Variants in MAN2A1 observed in about 807,000 individuals in gnomAD.
The protein encoded by MAN2A1 is alpha-mannosidase 2.
Under a neutral mutation model 142.6 loss-of-function variants are expected in MAN2A1, and 76 were observed. The ratio of observed to expected loss-of-function variants is 0.53; its 90% CI spans 0.44 to 0.65. MAN2A1 has a LOEUF of 0.65. Among genes scored for constraint, MAN2A1 ranks in the 30% least tolerant of loss-of-function variants. The pLI, the probability that MAN2A1 is intolerant of heterozygous loss-of-function variation, is 0.00. For synonymous variants in MAN2A1, 559 were observed against 473.2 expected, an observed-to-expected ratio of 1.18 and a Z score of -2.35; for missense variants, 1,311 against 1,365.1, an observed-to-expected ratio of 0.96 and a Z score of 0.62.
At chr5:109,796,028 G>GTT (rs1356637601) in intron 12 of MAN2A1, among the ~76,000 whole-genome samples, 2 of 152,102 alleles carry the variant, frequency 1.3e-5, no homozygotes, top group Non-Finnish European at 2.9e-5. Context: ...TCCTAAACAA[G>GTT]TTGTTGTTAT....
Position 109,817,383 on chromosome 5 carries a change from T to C in MAN2A1, c.2054T>C (p.Val685Ala), listed in dbSNP as rs45625534. The C allele has an allele frequency of 3.5e-3, 5,691 of 1,614,108 alleles. 185 individuals carry two copies. The East Asian group carries it at 0.082, about 23-fold the overall frequency. Residue 685 changes from valine (V) to alanine (A), a missense_variant, in exon 13 of 22, where the codon GTT becomes GCT. By Grantham distance (64) the Val-to-Ala change is moderately conservative. Transcript: ENST00000261483. ...TCTGCTTCAGGAAAACCTGTGGAAGTTCAAGTCAGCGCAGTTTGGGATACA... is the reference window on the plus strand; with the variant it reads ...TCTGCTTCAGGAAAACCTGTGGAAGCTCAAGTCAGCGCAGTTTGGGATACA... ...VFSASGKPVE[V>A]QVSAVWDTAN... is the part of the protein sequence containing the mutation.
chr5:109,723,325 G>T (rs1293647412), intron 3 of MAN2A1, among the ~76,000 whole-genome samples: 1 of 152,060 alleles, frequency 6.6e-6, no homozygotes, highest in Non-Finnish European at 1.5e-5. Flanking sequence ...AGATTATTTT[G>T]GAAACCTGGG....
chr5:109,823,692 AT>A, intron 15 of MAN2A1, 30 bp from the exon 16 acceptor site: 1 of 1,165,676 alleles, frequency 8.6e-7, no homozygotes, highest in Admixed American at 1.7e-5. Context: ...AAGCCAAAAT[AT>A]TTTTCTTAAA....
chr5:109,783,709 T>C (rs1045253412), intron 9 of MAN2A1, among the ~76,000 whole-genome samples: 4 of 152,264 alleles, frequency 2.6e-5, no homozygotes, highest in East Asian at 1.9e-4. Context: ...AACCTTCTTA[T>C]ACTTTTTACT....
At chr5:109,735,182 C>G (rs1370510822) in intron 4 of MAN2A1, among the ~76,000 whole-genome samples, 6 of 151,982 alleles carry the variant, frequency 3.9e-5, no homozygotes, top group Non-Finnish European at 1.5e-5. Flanking sequence ...TTATCAGAGA[C>G]TAGGATTGCA....
At chr5:109,841,295 C>T (rs1303162266) in intron 16 of MAN2A1, among the ~76,000 whole-genome samples, 2 of 152,134 alleles carry the variant, frequency 1.3e-5, no homozygotes, top group African/African-American at 2.4e-5. Flanking sequence ...CCCTCGCCCC[C>T]CTCCAACCCT....
chr5:109,737,840 G>A lies in MAN2A1; in HGVS notation c.707+8327G>A, dbSNP rs1752149541. Among the ~76,000 whole-genome samples, 3 of 152,290 alleles carry A rather than the reference G, an allele frequency of 2.0e-5. No individual in the cohort carries two copies. The South Asian group carries it at 6.2e-4, about 32-fold the overall frequency. The stretch of plus-strand genomic sequence containing the variant: ...GAAAAAGGCCTAAAGTTTGCTTGTG[G>A]AAGGGTGTATTGGAAGGAGTATAGA... On this transcript the variant is annotated intron_variant, in intron 4 of 21. Transcript: ENST00000261483.
intron 7 of MAN2A1, among the ~76,000 whole-genome samples, chr5:109,772,852 A>G (rs868641760): frequency 5.9e-5 from 9 of 151,870 alleles, no homozygotes; most frequent in Non-Finnish European, 1.3e-4. Flanking sequence ...AAATTTAACC[A>G]TAATGTACAG....
intron 12 of MAN2A1, among the ~76,000 whole-genome samples, chr5:109,812,121 G>A (rs1754336365): frequency 6.6e-6 from 1 of 152,016 alleles, no homozygotes; most frequent in Admixed American, 6.6e-5. Flanking sequence ...TTCTTTTTTT[G>A]TGCTTGGTCT....
At chr5:109,717,913 G>A (rs576750573) in intron 3 of MAN2A1, among the ~76,000 whole-genome samples, 1 of 152,198 alleles carries the variant, frequency 6.6e-6, no homozygotes, top group South Asian at 2.1e-4. Flanking sequence ...TGCATTTAGG[G>A]GATGCATATG....
chr5:109,709,185 T>A (rs1228244759), intron 1 of MAN2A1, among the ~76,000 whole-genome samples: 1 of 152,220 alleles, frequency 6.6e-6, no homozygotes, highest in Admixed American at 6.5e-5. Context: ...AGTTTGACTT[T>A]TTTAGATGTA....
Position 109,690,430 on chromosome 5 carries a change from C to A in MAN2A1, c.13C>A (p.Arg5Ser). Residue 5 changes from arginine (R) to serine (S), a missense_variant, in exon 1 of 22, where the codon CGC becomes AGC. By Grantham distance (110) the Arg-to-Ser change is moderately radical (BLOSUM62 -1). Around this residue, in one of 3 missense-constraint regions of MAN2A1, gnomAD observed 409 missense variants for 412.7 expected, o/e 0.99. Coordinates refer to ENST00000261483, the MANE Select transcript of MAN2A1 (RefSeq NM_002372.4). ...TCTATCGAGGAAAATGAAGTTAAGC[C>A]GCCAGTTCACCGTGTTCGGCAGTGC... The part of the protein sequence containing the change: MKLS[R>S]QFTVFGSAIF... 6.2e-7 allele frequency: 1 copy of A among 1,614,066 alleles called. No individual in the cohort carries two copies. The highest frequency in any genetic ancestry group is 1.1e-5 in the South Asian group (1 of 91,076).
At chr5:109,796,476 A>C (rs986802446) in intron 12 of MAN2A1, among the ~76,000 whole-genome samples, 1 of 152,344 alleles carries the variant, frequency 6.6e-6, no homozygotes, top group East Asian at 1.9e-4. Context: ...CTTTCTGTTA[A>C]TAGATCTATT....
At chr5:109,694,670 T>TTA (rs201272134) in intron 1 of MAN2A1, among the ~76,000 whole-genome samples, 7 of 151,816 alleles carry the variant, frequency 4.6e-5, no homozygotes, top group African/African-American at 1.7e-4. Flanking sequence ...TTTTTTTTTT[T>TTA]AACTTACTGT....
chr5:109,801,755 C>G (rs1020312427), intron 12 of MAN2A1, among the ~76,000 whole-genome samples: 4 of 152,030 alleles, frequency 2.6e-5, no homozygotes, highest in African/African-American at 9.7e-5. Flanking sequence ...GTTCTCAAGA[C>G]TTATCAGTTA....
intron 1 of MAN2A1, among the ~76,000 whole-genome samples, chr5:109,707,558 A>G (rs1163750025): frequency 1.2e-4 from 19 of 152,190 alleles, no homozygotes. Context: ...TAATTGTAAT[A>G]ACACTGTGGA....
chr5:109,769,781 A>T (rs574197258), intron 6 of MAN2A1, among the ~76,000 whole-genome samples: 35 of 152,260 alleles, frequency 2.3e-4, no homozygotes, highest in Admixed American at 1.7e-3. Flanking sequence ...TTCTTGGTAA[A>T]CATGGGGTGA....
chr5:109,774,069 C>G (rs1473037380), intron 7 of MAN2A1, among the ~76,000 whole-genome samples: 3 of 152,096 alleles, frequency 2.0e-5, no homozygotes, highest in Non-Finnish European at 4.4e-5. Context: ...ATATGAAATA[C>G]AAAAGCTATT....
At chr5:109,809,493 C>T in intron 12 of MAN2A1, among the ~76,000 whole-genome samples, 1 of 152,040 alleles carries the variant, frequency 6.6e-6, no homozygotes, top group East Asian at 1.9e-4. Flanking sequence ...TTATCATTTT[C>T]TAAGGATATT....
Sources: allele counts gnomAD v4.1 joint callset (sites outside exome capture counted in the v4.1 genomes callset), GRCh38; gene constraint gnomAD v4.1.1; regional missense constraint gnomAD v4.1.1; transcripts MANE v1.5; gene names NCBI Gene and HGNC (gene_info 2026-07-23, HGNC 2026-07-21).